Variants in TMEM131 observed in about 807,000 individuals in gnomAD.
The protein encoded by TMEM131 is transmembrane protein 131.
TMEM131 carries 66 observed loss-of-function variants against 211.6 expected under a neutral mutation model. The ratio of observed to expected loss-of-function variants is 0.31; its 90% confidence interval spans 0.26 to 0.38. The LOEUF (loss-of-function observed/expected upper bound fraction) is 0.38, where lower values mean the gene tolerates loss of function less well. Among genes scored for constraint, TMEM131 ranks in the 10% least tolerant of loss-of-function variants. The pLI is 1.00. For synonymous variants in TMEM131, 844 were observed against 841.3 expected (o/e 1.00, Z -0.06); for missense variants, 2,036 against 2,299.3 (o/e 0.89, Z 2.34).
rs929749329 is a variant in TMEM131, at chr2:97,776,518, C to T, written c.4145-500G>A. ...TGATGAGAACAATTTTAAAAATCAA[C>T]TTTACTGAGATACAACTTATATATA... is the stretch of plus-strand genomic sequence containing the variant. On this transcript the variant is annotated intron_variant, in intron 31 of 40. Transcript: ENST00000186436. Among the ~76,000 whole-genome samples, 4 of 152,318 alleles carry T rather than the reference C, an allele frequency of 2.6e-5. No homozygotes were observed. The East Asian group carries it at 7.7e-4, about 29-fold the overall frequency.
At chr2:97,757,425 C>CAG in intron 40 of TMEM131, 42 bp from the exon 41 acceptor site, 7 of 1,536,810 alleles carry the variant, frequency 4.6e-6, no homozygotes, top group Non-Finnish European at 6.1e-6. Context: ...GCCCGGCAGG[C>CAG]AGAGGGTCAA....
intron 2 of TMEM131, among the ~76,000 whole-genome samples, chr2:97,923,628 T>TAA (rs71386040): frequency 0.11 from 3,325 of 30,096 alleles, 172 homozygotes; most frequent in African/African-American, 0.19. Flanking sequence ...TCTTTTTTTT[T>TAA]AAAAAAAAAA....
At chr2:97,895,469 T>C (rs919044270) in intron 3 of TMEM131, among the ~76,000 whole-genome samples, 7 of 152,184 alleles carry the variant, frequency 4.6e-5, no homozygotes, top group African/African-American at 1.7e-4. Flanking sequence ...GTACCTCTGG[T>C]TGAATTTGGT....
At chr2:97,993,678 T>A (rs144100736) in intron 1 of TMEM131, among the ~76,000 whole-genome samples, 1 of 152,358 alleles carries the variant, frequency 6.6e-6, no homozygotes, top group African/African-American at 2.4e-5. Flanking sequence ...ACCACCCCTT[T>A]AATACATACT....
At chr2:97,758,827 A>G in intron 40 of TMEM131, 66 bp downstream of exon 40, 2 of 1,544,664 alleles carry the variant, frequency 1.3e-6, no homozygotes, top group Non-Finnish European at 1.8e-6. Flanking sequence ...CATCCATGTC[A>G]CAGCAATGGC....
intron 31 of TMEM131, among the ~76,000 whole-genome samples, chr2:97,784,648 G>A (rs1680166562): frequency 6.6e-6 from 1 of 151,852 alleles, no homozygotes; most frequent in Non-Finnish European, 1.5e-5. Context: ...TAAAACGGGG[G>A]GGAAAGTCCT....
chr2:97,974,995 A>G (rs1472951110), intron 1 of TMEM131, among the ~76,000 whole-genome samples: 1 of 152,226 alleles, frequency 6.6e-6, no homozygotes, highest in Non-Finnish European at 1.5e-5. Context: ...AGAGTACTCC[A>G]ACAACAGCAG....
At chr2:97,759,612 C>T (rs1477772034) in intron 39 of TMEM131, 40 bp downstream of exon 39, 2 of 1,514,548 alleles carry the variant, frequency 1.3e-6, no homozygotes, top group Non-Finnish European at 1.8e-6. Flanking sequence ...TTCCTCTGTC[C>T]ACAGGCTTAT....
At position 97,805,430 on chromosome 2, in the gene TMEM131, G is replaced by A. The variant is rs1441551454; in HGVS notation, c.2230C>T (p.Pro744Ser). 2 of 1,613,764 alleles carry A rather than the reference G, an allele frequency of 1.2e-6. No homozygotes were observed. The highest frequency in any genetic ancestry group is 1.3e-5 in the African/African-American group (1 of 74,894). Residue 744 changes from proline to serine, a missense_variant, in exon 21 of 41, where the codon CCT becomes TCT. Pro to Ser is a moderately conservative substitution (Grantham distance 74). Transcript: ENST00000186436. ...CAATGATCCCCACACTGTAGTCCAGGATCAAAATAAATGTTTGCAATCTAT... is the reference window on the plus strand; with the variant it reads ...CAATGATCCCCACACTGTAGTCCAGAATCAAAATAAATGTTTGCAATCTAT... The part of the protein sequence containing the change: ...KSKIANIYFD[P>S]GLQCGDHCYV...
At chr2:97,967,851 A>C (rs1679124362) in intron 1 of TMEM131, among the ~76,000 whole-genome samples, 1 of 151,906 alleles carries the variant, frequency 6.6e-6, no homozygotes, top group Admixed American at 6.6e-5. Flanking sequence ...CTTCCCATGT[A>C]ACACATCCTG....
At chr2:97,801,376 T>G (rs1350155248) in intron 25 of TMEM131, among the ~76,000 whole-genome samples, 1 of 152,198 alleles carries the variant, frequency 6.6e-6, no homozygotes, top group African/African-American at 2.4e-5. Flanking sequence ...TAATAGAAAA[T>G]AGTTTGGTTC....
At chr2:97,834,717 C>CCA in intron 9 of TMEM131, 40 bp from the exon 10 acceptor site, 1 of 1,595,596 alleles carries the variant, frequency 6.3e-7, no homozygotes, top group Non-Finnish European at 8.5e-7. Context: ...TTTCACTTTG[C>CCA]CAGAGTAAGC....
chr2:97,838,689 C>T (rs13018643), intron 7 of TMEM131, among the ~76,000 whole-genome samples: 50,512 of 151,800 alleles, frequency 0.33, 9,244 homozygotes, highest in Non-Finnish European at 0.39. Flanking sequence ...GTCATCCACC[C>T]ATCTCGGCCT....
chr2:97,800,782 G>T (rs1412590397), intron 25 of TMEM131, among the ~76,000 whole-genome samples: 1 of 151,542 alleles, frequency 6.6e-6, no homozygotes, highest in African/African-American at 2.4e-5. Flanking sequence ...AAAAAGAAAA[G>T]CAGAATGAAA....
chr2:97,809,639 C>T (rs577961440), intron 19 of TMEM131, 49 bp downstream of exon 19: 2 of 1,394,806 alleles, frequency 1.4e-6, no homozygotes, highest in Non-Finnish European at 2.0e-6. Flanking sequence ...GAGCTAAAGG[C>T]AAAGGCAAAA....
intron 5 of TMEM131, among the ~76,000 whole-genome samples, chr2:97,858,874 C>T (rs1313800737): frequency 3.3e-5 from 5 of 152,148 alleles, no homozygotes; most frequent in Admixed American, 3.3e-4. Context: ...GGACTCAGCC[C>T]GGAAGACATC....
At chr2:97,987,418 G>A (rs1573657848) in intron 1 of TMEM131, among the ~76,000 whole-genome samples, 1 of 151,960 alleles carries the variant, frequency 6.6e-6, no homozygotes, top group African/African-American at 2.4e-5. Flanking sequence ...CAGGAGAATC[G>A]CTTGAACCCG....
intron 7 of TMEM131, among the ~76,000 whole-genome samples, chr2:97,838,104 T>C (rs1015570702): frequency 1.3e-5 from 2 of 152,226 alleles, no homozygotes; most frequent in African/African-American, 4.8e-5. Flanking sequence ...ATCCACACAT[T>C]AATGGGACAT....
intron 1 of TMEM131, among the ~76,000 whole-genome samples, chr2:97,986,385 A>G (rs1680029032): frequency 6.6e-6 from 1 of 152,210 alleles, no homozygotes; most frequent in Admixed American, 6.5e-5. Flanking sequence ...AACAGAGACC[A>G]AAACATGGAT....
Sources: allele counts gnomAD v4.1 joint callset (sites outside exome capture counted in the v4.1 genomes callset), GRCh38; gene constraint gnomAD v4.1.1; transcripts MANE v1.5; gene names NCBI Gene and HGNC (gene_info 2026-07-23, HGNC 2026-07-21).